Variants in DNAH12 observed in about 807,000 individuals in gnomAD.
DNAH12 encodes axonemal beta dynein heavy chain 12.
A neutral mutation model predicts 371.5 loss-of-function variants in DNAH12; 285 were observed. The ratio of observed to expected loss-of-function variants is 0.77; its 90% CI spans 0.70 to 0.85. DNAH12 has a LOEUF of 0.85. Among genes scored for constraint, DNAH12 ranks in the 40% least tolerant of loss-of-function variants. The probability of loss-of-function intolerance (pLI) is 0.00; values close to 1 mark genes in which losing one functional copy is unlikely to be tolerated. For synonymous variants in DNAH12, 1,200 were observed against 1,213.0 expected (o/e 0.99, Z 0.22); for missense variants, 3,611 against 3,689.4 (o/e 0.98, Z 0.55).
At chr3:57,336,034 T>G (rs1213708027) in intron 60 of DNAH12, among the ~76,000 whole-genome samples, 1 of 152,190 alleles carries the variant, frequency 6.6e-6, no homozygotes, top group East Asian at 1.9e-4. Flanking sequence ...AGCCTGGAAG[T>G]GCAGTGGCAC....
intron 24 of DNAH12, 58 bp from the exon 25 acceptor site, chr3:57,453,073 A>G: frequency 1.3e-6 from 2 of 1,494,020 alleles, no homozygotes; most frequent in Non-Finnish European, 1.8e-6. Context: ...AATTTTAAAA[A>G]GAAGTATTTT....
intron 17 of DNAH12, among the ~76,000 whole-genome samples, chr3:57,468,039 G>T (rs1168624476): frequency 2.0e-5 from 3 of 152,136 alleles, no homozygotes; most frequent in African/African-American, 4.8e-5. Flanking sequence ...AGGTGGGAGT[G>T]AATACATTAA....
chr3:57,510,526 G>A (rs2067950458), intron 5 of DNAH12, among the ~76,000 whole-genome samples: 1 of 152,038 alleles, frequency 6.6e-6, no homozygotes, highest in Admixed American at 6.5e-5. Flanking sequence ...TGAAGTTCCA[G>A]GTACTCGGGA....
At chr3:57,475,898 T>C (rs1235625991) in intron 13 of DNAH12, among the ~76,000 whole-genome samples, 2 of 152,198 alleles carry the variant, frequency 1.3e-5, no homozygotes, top group Admixed American at 1.3e-4. Context: ...AATAAAAGCA[T>C]ATCTTATAAC....
In DNAH12 at chr3:57,415,513, C is replaced by T. The variant is rs753845996; in HGVS notation, c.5766G>A (p.Lys1922=). ...PTGTGKSVYV[K]DKLMNHLEKD... is the part of the protein sequence containing the mutation. ...TTTCCAAGTGATTCATTAGCTTATC[C>T]TTCACATACACAGATTTTCCTGTAC... Residue 1922 remains lysine, a synonymous_variant, in exon 38 of 74, where the codon AAG becomes AAA. Coordinates refer to ENST00000495027, the MANE Select transcript of DNAH12 (RefSeq NM_001366028.2). The T allele has an allele frequency of 1.3e-6, 2 of 1,550,830 alleles. No individual in the cohort carries two copies. Among genetic ancestry groups the T allele is most frequent in the South Asian group, 2.4e-5 (2 of 83,812 alleles).
chr3:57,368,825 T>C (rs961903125), intron 55 of DNAH12, among the ~76,000 whole-genome samples: 1 of 152,182 alleles, frequency 6.6e-6, no homozygotes, highest in Non-Finnish European at 1.5e-5. Flanking sequence ...GTGTAATATA[T>C]GATGTGCTTT....
At chr3:57,462,374 C>A (rs1305912233) in intron 18 of DNAH12, among the ~76,000 whole-genome samples, 1 of 152,130 alleles carries the variant, frequency 6.6e-6, no homozygotes, top group Non-Finnish European at 1.5e-5. Flanking sequence ...GCCTCAGCCT[C>A]CTGAGTAGCT....
intron 59 of DNAH12, among the ~76,000 whole-genome samples, chr3:57,352,937 A>G (rs1349474022): frequency 2.6e-5 from 4 of 151,960 alleles, no homozygotes; most frequent in African/African-American, 9.7e-5. Flanking sequence ...AAAAATACAA[A>G]AATTAGCCAG....
chr3:57,423,272 T>C (rs1043676571), intron 35 of DNAH12, among the ~76,000 whole-genome samples: 2 of 152,132 alleles, frequency 1.3e-5, no homozygotes, highest in African/African-American at 4.8e-5. Context: ...TCAGGAAAAA[T>C]GCAACTTGAA....
At chr3:57,540,477 T>C (rs2069232583) in intron 2 of DNAH12, among the ~76,000 whole-genome samples, 1 of 152,132 alleles carries the variant, frequency 6.6e-6, no homozygotes, top group African/African-American at 2.4e-5. Flanking sequence ...GAGGAGGTGA[T>C]CCATAAACTA....
upstream of DNAH12, among the ~76,000 whole-genome samples, chr3:57,548,374 G>A (rs1051774468): frequency 6.6e-6 from 1 of 152,132 alleles, no homozygotes; most frequent in Non-Finnish European, 1.5e-5. Flanking sequence ...ATTTGACTTT[G>A]GGAAGCCTGT....
chr3:57,322,386 A>G lies in DNAH12; in HGVS notation c.10481T>C (p.Val3494Ala). Residue 3494 changes from valine (V) to alanine (A), a missense_variant, in exon 65 of 74, where the codon GTT becomes GCT. Physicochemically the swap from Val to Ala is moderately conservative, Grantham distance 64. This residue lies in a region of DNAH12 where 2,266 missense variants were observed against 2,236.9 expected (regional missense o/e 1.01). Coordinates refer to ENST00000495027, the MANE Select transcript of DNAH12 (RefSeq NM_001366028.2). ...NLLQSYLTDPVSDPEFFKGCR... is the reference protein window; with the variant it reads ...NLLQSYLTDPASDPEFFKGCR... ...TCCCTTGAAAAACTCAGGATCAGAA[A>G]CTGGATCAGTGAGATATGATTGAAG... 6.4e-7 allele frequency: 1 copy of G among 1,551,894 alleles called. No homozygotes were observed. The highest frequency in any genetic ancestry group is 8.7e-7 in the Non-Finnish European group (1 of 1,147,012).
rs2121743 is a variant in DNAH12 at position 57,446,258 on chromosome 3, G to A, written c.3952C>T (p.Leu1318=). The change falls in exon 27 of 74, where the codon CTG becomes TTG. Residue 1318 remains leucine, a synonymous_variant. Coordinates refer to ENST00000495027, the MANE Select transcript of DNAH12 (RefSeq NM_001366028.2). The part of the protein sequence containing the change: ...YLAMGKFFKG[L]ASSGAWACFD... ...CAAGCCCAAGCACCAGAAGAAGCCA[G>A]TCCTTTAAAAAACTAAGGACAAAGA... The A allele has an allele frequency of 0.52, 801,541 of 1,550,246 alleles. 212,370 individuals are homozygous for A. Among genetic ancestry groups the A allele is most frequent in the Middle Eastern group, 0.6 (3,612 of 5,988 alleles).
rs1211815764 is a variant in DNAH12 at position 57,389,798 on chromosome 3, A to ATGTGTGTGTGTGTG, written c.7305+2060_7305+2073dup. On this transcript the variant is annotated intron_variant, in intron 45 of 73. Transcript: ENST00000495027. ...TATACATATAAATATATATACACAT[A>ATGTGTGTGTGTGTG]TGTGTGTGTGTGTGTGTGTGTGTGT... Among the ~76,000 whole-genome samples the ATGTGTGTGTGTGTG allele has an allele frequency of 2.7e-3, 245 of 92,404 alleles. 6 individuals carry two copies. Among genetic ancestry groups the ATGTGTGTGTGTGTG allele is most frequent in the East Asian group, 0.018 (38 of 2,138 alleles). The allele number at this position is 92,404 out of a possible 152,430, so 60.6% of individuals were successfully genotyped here.
intron 52 of DNAH12, 49 bp from the exon 53 acceptor site, chr3:57,377,271 A>G (rs2063299749): frequency 6.6e-6 from 1 of 152,122 alleles, no homozygotes; most frequent in African/African-American, 2.4e-5. Context: ...TGTAAAACTG[A>G]TATCTATATA....
intron 35 of DNAH12, 145 bp from the exon 36 acceptor site, chr3:57,421,851 C>A: frequency 1.4e-6 from 1 of 730,490 alleles, no homozygotes; most frequent in Non-Finnish European, 2.2e-6. Context: ...TGGAGCACTG[C>A]TAAGCCACAT....
chr3:57,436,247 A>T (rs1466927227), intron 30 of DNAH12, among the ~76,000 whole-genome samples: 1 of 152,148 alleles, frequency 6.6e-6, no homozygotes, highest in African/African-American at 2.4e-5. Flanking sequence ...ATAACTATAA[A>T]TACAAAATGT....
At chr3:57,297,947 C>T (rs2061267596) in intron 70 of DNAH12, among the ~76,000 whole-genome samples, 1 of 152,154 alleles carries the variant, frequency 6.6e-6, no homozygotes, top group Non-Finnish European at 1.5e-5. Context: ...CACAAACAAA[C>T]AAACCAAAAA....
intron 19 of DNAH12, among the ~76,000 whole-genome samples, 192 bp from the exon 20 acceptor site, chr3:57,459,978 G>A (rs1258096131): frequency 6.6e-6 from 1 of 151,562 alleles, no homozygotes; most frequent in Non-Finnish European, 1.5e-5. Context: ...TAAATCACTG[G>A]AACTCACAAT....
Sources: allele counts gnomAD v4.1 joint callset (sites outside exome capture counted in the v4.1 genomes callset), GRCh38; gene constraint gnomAD v4.1.1; regional missense constraint gnomAD v4.1.1; transcripts MANE v1.5; gene names NCBI Gene and HGNC (gene_info 2026-07-23, HGNC 2026-07-21).